Variants in WWOX observed in about 807,000 individuals in gnomAD.
WWOX encodes the protein WW domain-containing oxidoreductase.
In WWOX, 69 loss-of-function variants were observed where a neutral mutation model predicts 46.2. That is an observed-to-expected ratio of 1.49 (90% confidence interval 1.23 to 1.82). The LOEUF (loss-of-function observed/expected upper bound fraction) is 1.82, where lower values mean the gene tolerates loss of function less well. Ranked by LOEUF, WWOX falls within the 40% of genes most tolerant of loss-of-function variation. The pLI is 0.00. For synonymous variants in WWOX, 359 were observed against 202.6 expected (o/e 1.77, Z -6.56); for missense variants, 919 against 542.6 (o/e 1.69, Z -6.89).
chr16:78,846,528 A>T (rs1175829956), intron 8 of WWOX, among the ~76,000 whole-genome samples: 5 of 152,068 alleles, frequency 3.3e-5, no homozygotes, highest in Admixed American at 1.3e-4. Context: ...TCTTGATTAG[A>T]ATGACGTGGT....
chr16:79,120,047 C>T (rs1447623753), intron 8 of WWOX, among the ~76,000 whole-genome samples: 8 of 152,182 alleles, frequency 5.3e-5, no homozygotes, highest in African/African-American at 1.4e-4. Context: ...GCAGGGAAAC[C>T]GCAACTGCCT....
intron 8 of WWOX, among the ~76,000 whole-genome samples, chr16:78,830,361 T>A (rs2051784812): frequency 6.6e-6 from 1 of 152,166 alleles, no homozygotes; most frequent in Non-Finnish European, 1.5e-5. Context: ...AATGCCTACC[T>A]GCTCTTGAGA....
At chr16:78,818,129 C>G (rs980534783) in intron 8 of WWOX, among the ~76,000 whole-genome samples, 1 of 152,204 alleles carries the variant, frequency 6.6e-6, no homozygotes, top group Non-Finnish European at 1.5e-5. Context: ...CCTGCCTTGA[C>G]TCGTGATTGG....
At chr16:78,392,196 C>T (rs1002089748) in intron 6 of WWOX, among the ~76,000 whole-genome samples, 3 of 151,986 alleles carry the variant, frequency 2.0e-5, no homozygotes, top group Non-Finnish European at 2.9e-5. Context: ...CGCTCTCTGT[C>T]ACTCTCATTA....
intron 8 of WWOX, among the ~76,000 whole-genome samples, chr16:78,788,052 T>C (rs1567559908): frequency 6.6e-6 from 1 of 152,248 alleles, no homozygotes; most frequent in Non-Finnish European, 1.5e-5. Context: ...TAGACCCTTA[T>C]CGTATAAATC....
rs75685861 is a variant in WWOX at position 78,634,206 on chromosome 16, G to T, written c.1056+201454G>T. On this transcript the variant is annotated intron_variant, in intron 8 of 8. Transcript: ENST00000566780. ...TGTGTCTAAATACAAATGTCCAGGA[G>T]AATAGGAATGCCATAGTGGTGAGCT... 8.9e-4 allele frequency among the ~76,000 whole-genome samples: 136 copies of T among 152,288 alleles called. 1 individual carries two copies. The highest frequency in any genetic ancestry group is 1.6e-3 in the Non-Finnish European group (112 of 68,024).
At chr16:78,364,273 C>G (rs189614059) in intron 5 of WWOX, among the ~76,000 whole-genome samples, 2 of 152,338 alleles carry the variant, frequency 1.3e-5, no homozygotes, top group African/African-American at 2.4e-5. Context: ...AGTTACTCTA[C>G]TCTCCTGATA....
chr16:78,498,209 A>AG (rs1380120593), intron 8 of WWOX, among the ~76,000 whole-genome samples: 2 of 139,998 alleles, frequency 1.4e-5, no homozygotes, highest in African/African-American at 5.1e-5. Context: ...CATCTCAAAA[A>AG]AAAAAAAAAG....
intron 8 of WWOX, among the ~76,000 whole-genome samples, chr16:78,998,124 G>A (rs1021212775): frequency 2.0e-5 from 3 of 152,110 alleles, no homozygotes; most frequent in Non-Finnish European, 4.4e-5. Flanking sequence ...GATCCCGCCC[G>A]CCTCGGCCTC....
intron 4 of WWOX, among the ~76,000 whole-genome samples, chr16:78,122,609 C>CTT (rs71137872): frequency 4.2e-5 from 6 of 142,842 alleles, no homozygotes; most frequent in African/African-American, 1.5e-4. Context: ...CATTTTTTTT[C>CTT]TTTTTTTTTT....
chr16:79,166,312 C>G (rs138814961), intron 8 of WWOX, among the ~76,000 whole-genome samples: 80 of 152,318 alleles, frequency 5.3e-4, no homozygotes, highest in African/African-American at 1.9e-3. Flanking sequence ...GCCTTAATTT[C>G]TCTGACACAG....
chr16:78,966,152 A>C (rs1046355257), intron 8 of WWOX, among the ~76,000 whole-genome samples: 1 of 152,216 alleles, frequency 6.6e-6, no homozygotes, highest in African/African-American at 2.4e-5. Context: ...TTAGATATTA[A>C]ATCCCATGAT....
intron 5 of WWOX, among the ~76,000 whole-genome samples, chr16:78,261,210 T>G (rs560957151): frequency 6.6e-6 from 1 of 151,018 alleles, no homozygotes; most frequent in East Asian, 1.9e-4. Flanking sequence ...GCTTTATGTG[T>G]GTTCATTCTA....
chr16:79,010,256 G>C (rs977126486), intron 8 of WWOX, among the ~76,000 whole-genome samples: 3 of 152,176 alleles, frequency 2.0e-5, no homozygotes, highest in African/African-American at 7.2e-5. Context: ...GAGGAGCTGG[G>C]GACTCAGAGA....
chr16:79,146,358 A>G (rs1015907127), intron 8 of WWOX, among the ~76,000 whole-genome samples: 4 of 152,016 alleles, frequency 2.6e-5, no homozygotes, highest in Admixed American at 2.0e-4. Context: ...ATGTTTTCCC[A>G]TCTCTGAGGC....
At chr16:78,116,624 G>A (rs140904707) in intron 4 of WWOX, among the ~76,000 whole-genome samples, 31 of 152,240 alleles carry the variant, frequency 2.0e-4, no homozygotes, top group African/African-American at 7.0e-4. Flanking sequence ...AACTGATGGC[G>A]TAATATTTAA....
At chr16:78,918,298 C>A (rs574353298) in intron 8 of WWOX, among the ~76,000 whole-genome samples, 2 of 152,172 alleles carry the variant, frequency 1.3e-5, no homozygotes, top group African/African-American at 4.8e-5. Context: ...GATATTTGTA[C>A]TTCTAAGAGG....
chr16:78,862,053 T>TAG (rs931738227), intron 8 of WWOX, among the ~76,000 whole-genome samples: 2 of 140,986 alleles, frequency 1.4e-5, no homozygotes, highest in African/African-American at 4.9e-5. Flanking sequence ...ATTATATATA[T>TAG]AGAGAGAGAT....
intron 6 of WWOX, among the ~76,000 whole-genome samples, chr16:78,387,456 T>G (rs940708631): frequency 6.6e-6 from 1 of 152,194 alleles, no homozygotes; most frequent in Non-Finnish European, 1.5e-5. Flanking sequence ...TTATTTTTTT[T>G]CATCCTTTTC....
Sources: gnomAD v4.1 joint callset for allele counts (sites outside exome capture counted in the v4.1 genomes callset) on GRCh38, gnomAD v4.1.1 for gene constraint, MANE v1.5 for transcripts, NCBI Gene and HGNC (gene_info 2026-07-23, HGNC 2026-07-21) for gene names.